ZMAT4: variants seen among roughly 807,000 people sequenced by gnomAD.
ZMAT4 encodes zinc finger matrin-type protein 4.
A neutral mutation model predicts 28.7 loss-of-function variants in ZMAT4; 17 were observed. That is an observed-to-expected ratio of 0.59 (90% confidence interval 0.41 to 0.89). ZMAT4 has a LOEUF of 0.89. Among genes scored for constraint, ZMAT4 ranks in the 40% least tolerant of loss-of-function variants. The probability of loss-of-function intolerance (pLI) is 0.00; values close to 1 mark genes in which losing one functional copy is unlikely to be tolerated. For synonymous variants in ZMAT4, 117 were observed against 109.2 expected (o/e 1.07, Z -0.44); for missense variants, 240 against 283.8 (o/e 0.85, Z 1.11).
chr8:40,613,652 T>C (rs1484240627), intron 5 of ZMAT4, among the ~76,000 whole-genome samples: 1 of 152,206 alleles, frequency 6.6e-6, no homozygotes, highest in African/African-American at 2.4e-5. Context: ...TTATCTGTCA[T>C]CTTGGATTTC....
intron 2 of ZMAT4, among the ~76,000 whole-genome samples, chr8:40,779,022 T>G (rs1813717093): frequency 6.6e-6 from 1 of 152,238 alleles, no homozygotes; most frequent in African/African-American, 2.4e-5. Flanking sequence ...GGTTTGGCTG[T>G]GTCACCACCC....
chr8:40,593,889 G>A (rs990493633), intron 5 of ZMAT4, among the ~76,000 whole-genome samples: 4 of 152,052 alleles, frequency 2.6e-5, no homozygotes, highest in Non-Finnish European at 4.4e-5. Context: ...GAGACACATC[G>A]CTTACAGCAG....
chr8:40,625,637 C>T (rs1440757225), intron 5 of ZMAT4, among the ~76,000 whole-genome samples: 1 of 152,054 alleles, frequency 6.6e-6, no homozygotes, highest in Non-Finnish European at 1.5e-5. Flanking sequence ...TTTACAGCAA[C>T]AAGGTGGGAG....
At chr8:40,835,393 T>G (rs1396856651) in intron 1 of ZMAT4, among the ~76,000 whole-genome samples, 1 of 152,192 alleles carries the variant, frequency 6.6e-6, no homozygotes, top group Non-Finnish European at 1.5e-5. Flanking sequence ...AATAGGCTCC[T>G]ACCCTCCCCT....
At chr8:40,637,907 C>A (rs1806856739) in intron 5 of ZMAT4, among the ~76,000 whole-genome samples, 1 of 152,198 alleles carries the variant, frequency 6.6e-6, no homozygotes, top group South Asian at 2.1e-4. Context: ...TCATTTTCAA[C>A]AACATGGATG....
chr8:40,560,443 C>A (rs535890400), intron 6 of ZMAT4, among the ~76,000 whole-genome samples: 1 of 151,826 alleles, frequency 6.6e-6, no homozygotes, highest in Non-Finnish European at 1.5e-5. Flanking sequence ...TCTCAGAATG[C>A]AGATGAAGCT....
intron 6 of ZMAT4, among the ~76,000 whole-genome samples, chr8:40,543,862 G>A (rs1803116355): frequency 6.6e-6 from 1 of 152,106 alleles, no homozygotes; most frequent in African/African-American, 2.4e-5. Context: ...AAGCATTATC[G>A]ATGATTTGCT....
chr8:40,634,121 C>A (rs1475581680), intron 5 of ZMAT4, among the ~76,000 whole-genome samples: 1 of 151,852 alleles, frequency 6.6e-6, no homozygotes, highest in Non-Finnish European at 1.5e-5. Flanking sequence ...AGTAAAGGGG[C>A]AAAAACATTA....
intron 3 of ZMAT4, among the ~76,000 whole-genome samples, chr8:40,713,544 C>A (rs930825654): frequency 1.3e-5 from 2 of 151,860 alleles, no homozygotes; most frequent in Admixed American, 6.6e-5. Flanking sequence ...ACTTGCAAAG[C>A]GTTAAAAGAA....
intron 5 of ZMAT4, among the ~76,000 whole-genome samples, chr8:40,613,964 A>G (rs1805899669): frequency 6.6e-6 from 1 of 152,122 alleles, no homozygotes; most frequent in African/African-American, 2.4e-5. Flanking sequence ...CCTCCCTCCT[A>G]TGGGCTGCTT....
chr8:40,772,374 A>T (rs1332675583), intron 2 of ZMAT4, among the ~76,000 whole-genome samples: 1 of 152,116 alleles, frequency 6.6e-6, no homozygotes, highest in Non-Finnish European at 1.5e-5. Context: ...AACAAGACAA[A>T]CCTCTATTTC....
At chr8:40,741,523 G>A (rs1313424156) in intron 3 of ZMAT4, among the ~76,000 whole-genome samples, 1 of 151,652 alleles carries the variant, frequency 6.6e-6, no homozygotes, top group Non-Finnish European at 1.5e-5. Context: ...GAAAGAAATT[G>A]CATTTTTGCC....
chr8:40,891,740 G>A (rs1818697689), intron 1 of ZMAT4, among the ~76,000 whole-genome samples: 1 of 152,158 alleles, frequency 6.6e-6, no homozygotes, highest in South Asian at 2.1e-4. Context: ...GGATGCCTTT[G>A]TTAGCACAGG....
chr8:40,575,549 C>T (rs1417224917), intron 6 of ZMAT4, among the ~76,000 whole-genome samples: 1 of 151,958 alleles, frequency 6.6e-6, no homozygotes, highest in Admixed American at 6.5e-5. Context: ...TACAACATCA[C>T]TACTGTTAAT....
At chr8:40,672,228 A>T (rs1808704255) in intron 5 of ZMAT4, among the ~76,000 whole-genome samples, 3 of 152,172 alleles carry the variant, frequency 2.0e-5, no homozygotes, top group South Asian at 2.1e-4. Flanking sequence ...TATTAAAGTC[A>T]TGGATATGCC....
chr8:40,690,371 A>T (rs10808941), intron 4 of ZMAT4, among the ~76,000 whole-genome samples: 147,329 of 152,300 alleles, frequency 0.97, 71,429 homozygotes, highest in East Asian at 1. Context: ...AGCTCTGCAA[A>T]TCTGTGAATC....
chr8:40,710,719 T>C (rs1166284446), intron 3 of ZMAT4, among the ~76,000 whole-genome samples: 1 of 151,992 alleles, frequency 6.6e-6, no homozygotes, highest in African/African-American at 2.4e-5. Flanking sequence ...ACTACAGTCA[T>C]GACACAAGGA....
At chr8:40,611,212 A>G (rs1397278368) in intron 5 of ZMAT4, among the ~76,000 whole-genome samples, 1 of 152,196 alleles carries the variant, frequency 6.6e-6, no homozygotes, top group African/African-American at 2.4e-5. Context: ...AAATCTATTC[A>G]GGGCAAAAAT....
intron 5 of ZMAT4, among the ~76,000 whole-genome samples, chr8:40,595,681 T>G (rs1025748300): frequency 1.3e-5 from 2 of 152,144 alleles, no homozygotes; most frequent in East Asian, 3.9e-4. Flanking sequence ...AAAATAAGAA[T>G]GGTACACTTG....
Sources: allele counts gnomAD v4.1 joint callset (sites outside exome capture counted in the v4.1 genomes callset), GRCh38; gene constraint gnomAD v4.1.1; transcripts MANE v1.5; gene names NCBI Gene and HGNC (gene_info 2026-07-23, HGNC 2026-07-21).